The following ARMH1 variants were observed in gnomAD, a reference collection of about 807,000 sequenced individuals.
The protein encoded by ARMH1 is armadillo-like helical domain containing protein 1.
Under a neutral mutation model 50.2 loss-of-function variants are expected in ARMH1, and 34 were observed. The observed-to-expected ratio is 0.68, with a 90% CI of 0.51 to 0.90. ARMH1 has a LOEUF of 0.90. Among genes scored for constraint, ARMH1 ranks in the 40% least tolerant of loss-of-function variants. The pLI is 0.00. For synonymous variants in ARMH1, 221 were observed against 224.2 expected, an observed-to-expected ratio of 0.99 and a Z score of 0.13; for missense variants, 538 against 553.9, an observed-to-expected ratio of 0.97 and a Z score of 0.29.
rs1645371435 is a variant in ARMH1, at chr1:44,683,341, C to T, written c.-22-6335C>T. On this transcript the variant is annotated intron_variant, in intron 1 of 11. Transcript: ENST00000535358. This position sits in a 1 kb window ranked among gnomAD's most constrained non-coding sequence, Gnocchi z 4.2. ...CGGTCACTTAAGTACATAAAGAGAT[C>T]TGGAGCTCAGGTGGGAGGCCCAGAC... is the stretch of plus-strand genomic sequence containing the variant. 6.6e-6 allele frequency among the ~76,000 whole-genome samples: 1 copy of T among 152,144 alleles called. No individual in the cohort carries two copies. The highest frequency in any genetic ancestry group is 2.4e-5 in the African/African-American group (1 of 41,432).
chr1:44,720,425 T>G (rs1223481771), intron 6 of ARMH1, among the ~76,000 whole-genome samples: 1 of 152,154 alleles, frequency 6.6e-6, no homozygotes, highest in Non-Finnish European at 1.5e-5. Context: ...CCTGTTGGAA[T>G]GCAGAATCCA....
At chr1:44,700,423 C>T (rs948960904) in intron 4 of ARMH1, among the ~76,000 whole-genome samples, 38 of 152,086 alleles carry the variant, frequency 2.5e-4, no homozygotes, top group African/African-American at 8.9e-4. Context: ...AAAGACCATC[C>T]TGGCTAACAC....
chr1:44,719,025 G>GAAAA (rs35822364), intron 6 of ARMH1, among the ~76,000 whole-genome samples: 14 of 78,624 alleles, frequency 1.8e-4, no homozygotes, highest in South Asian at 9.6e-4. Flanking sequence ...AACTGTCTCG[G>GAAAA]AAAAAAAAAA....
intron 6 of ARMH1, among the ~76,000 whole-genome samples, chr1:44,719,403 GAC>G (rs2148764660): frequency 6.6e-6 from 1 of 152,260 alleles, no homozygotes; most frequent in African/African-American, 2.4e-5. Flanking sequence ...TCCTTAGATT[GAC>G]ACACCAGCCA....
At position 44,724,427 on chromosome 1, in the gene ARMH1, A is replaced by AGCCT; in HGVS notation, c.920+37_920+40dup. 1 of 1,543,682 alleles carries AGCCT rather than the reference A, an allele frequency of 6.5e-7. No individual in the cohort carries two copies. Among genetic ancestry groups the AGCCT allele is most frequent in the Non-Finnish European group, 8.7e-7 (1 of 1,144,936 alleles). ...CAGGGGTTAGTGGGTAGCTGCAGCA[A>AGCCT]GCCTGGCTTGGCGCTGCCGGCGGGC... is the stretch of plus-strand genomic sequence containing the variant. On this transcript the variant is annotated intron_variant, in intron 8 of 11. Coordinates refer to ENST00000535358, the MANE Select transcript of ARMH1 (RefSeq NM_001145636.2). This position sits in a 1 kb window ranked among gnomAD's most constrained non-coding sequence, Gnocchi z 6.4.
chr1:44,694,579 G>A (rs555213108), intron 2 of ARMH1, among the ~76,000 whole-genome samples: 43 of 146,532 alleles, frequency 2.9e-4, no homozygotes, highest in African/African-American at 1.0e-3. Flanking sequence ...GTGCAATCTC[G>A]GCTCACTGCA....
chr1:44,705,119 G>A (rs1327084158), intron 6 of ARMH1, among the ~76,000 whole-genome samples: 1 of 151,864 alleles, frequency 6.6e-6, no homozygotes. Flanking sequence ...ACAGGCATGA[G>A]CCACCGCACC....
intron 6 of ARMH1, among the ~76,000 whole-genome samples, chr1:44,714,778 T>C (rs1037436357): frequency 6.6e-6 from 1 of 151,674 alleles, no homozygotes; most frequent in African/African-American, 2.4e-5. Context: ...AGTAAGTAGC[T>C]GGGACTACAG....
intron 5 of ARMH1, among the ~76,000 whole-genome samples, chr1:44,703,525 C>T (rs1327038152): frequency 6.7e-6 from 1 of 148,418 alleles, no homozygotes; most frequent in Non-Finnish European, 1.5e-5. Flanking sequence ...GAACTCGAGA[C>T]CAGCCTGGTC....
At chr1:44,722,653 A>C (rs1048244333) in intron 6 of ARMH1, among the ~76,000 whole-genome samples, 2 of 151,932 alleles carry the variant, frequency 1.3e-5, no homozygotes, top group African/African-American at 2.4e-5. Context: ...CTGAGGCAGG[A>C]GTATCGCTTG....
chr1:44,693,373 C>T (rs1645720431), intron 2 of ARMH1, among the ~76,000 whole-genome samples: 1 of 152,168 alleles, frequency 6.6e-6, no homozygotes, highest in Non-Finnish European at 1.5e-5. Context: ...ATGAGTAAGC[C>T]AGGGTGGTAC....
intron 1 of ARMH1, among the ~76,000 whole-genome samples, chr1:44,687,007 A>G (rs1009156773): frequency 6.6e-6 from 1 of 152,200 alleles, no homozygotes; most frequent in African/African-American, 2.4e-5. Flanking sequence ...AATGATAAAT[A>G]CATAAATATT....
intron 6 of ARMH1, among the ~76,000 whole-genome samples, chr1:44,715,203 T>G (rs1343787438): frequency 6.6e-6 from 1 of 152,210 alleles, no homozygotes; most frequent in East Asian, 1.9e-4. Flanking sequence ...AACCCTGGTT[T>G]TGCAAGGCTC....
At chr1:44,688,958 T>C (rs980988986) in intron 1 of ARMH1, among the ~76,000 whole-genome samples, 2 of 152,206 alleles carry the variant, frequency 1.3e-5, no homozygotes, top group Non-Finnish European at 2.9e-5. Context: ...ACTTAGGTGA[T>C]TGGCATAAGA....
rs567220003 is a variant in ARMH1, at chr1:44,682,742, G to A, written c.-22-6934G>A. Among the ~76,000 whole-genome samples the A allele has an allele frequency of 2.0e-5, 3 of 152,014 alleles. No individual in the cohort carries two copies. The highest frequency in any genetic ancestry group is 2.9e-5 in the Non-Finnish European group (2 of 68,010). ...GGAGTTTGACACCAGCCTGGGCAAC[G>A]AAGCAAGACCCCACCTCTACAAAAA... On this transcript the variant is annotated intron_variant, in intron 1 of 11. Coordinates refer to ENST00000535358, the MANE Select transcript of ARMH1 (RefSeq NM_001145636.2). This position sits in a 1 kb window ranked among gnomAD's most constrained non-coding sequence, Gnocchi z 4.5.
chr1:44,687,204 G>GGT (rs375300265), intron 1 of ARMH1, among the ~76,000 whole-genome samples: 110 of 152,282 alleles, frequency 7.2e-4, no homozygotes, highest in African/African-American at 2.6e-3. Flanking sequence ...GCTTGCAGAT[G>GGT]ACCATGTTTT....
At chr1:44,713,067 A>G (rs1287314678) in intron 6 of ARMH1, among the ~76,000 whole-genome samples, 1 of 137,632 alleles carries the variant, frequency 7.3e-6, no homozygotes, top group Non-Finnish European at 1.6e-5. Context: ...CCCAGGCTGG[A>G]GTGCAATGGC....
intron 4 of ARMH1, among the ~76,000 whole-genome samples, chr1:44,699,142 C>T (rs1055617760): frequency 4.6e-5 from 7 of 151,738 alleles, no homozygotes; most frequent in Non-Finnish European, 4.4e-5. Flanking sequence ...AAAATTCAAA[C>T]GCATGGTGGC....
rs563411984 is a variant in ARMH1 at position 44,724,112 on chromosome 1, C to T, written c.725-10C>T. The T allele has an allele frequency of 2.1e-5, 33 of 1,550,788 alleles. No individual in the cohort carries two copies. The East Asian group carries it at 2.4e-4, about 11-fold the overall frequency. Reference sequence around the variant, plus strand: ...TGGGGCCTCTCTCCAGCACCTCTGCCCTTCCGCAGCCATCGAGTTGATCAA... The same window carrying T: ...TGGGGCCTCTCTCCAGCACCTCTGCTCTTCCGCAGCCATCGAGTTGATCAA... On this transcript the variant is annotated splice_polypyrimidine_tract_variant and intron_variant, in intron 6 of 11. Transcript: ENST00000535358. The surrounding 1 kb of genome is among the most constrained non-coding windows in gnomAD (Gnocchi z 6.4).
Sources: allele counts gnomAD v4.1 joint callset (sites outside exome capture counted in the v4.1 genomes callset), GRCh38; gene constraint gnomAD v4.1.1; non-coding constraint Gnocchi (gnomAD v3.1); transcripts MANE v1.5; gene names NCBI Gene and HGNC (gene_info 2026-07-23, HGNC 2026-07-21).